KLHL7: variants seen among roughly 807,000 people sequenced by gnomAD.
The protein encoded by KLHL7 is kelch like family member 7.
Under a neutral mutation model 67.4 loss-of-function variants are expected in KLHL7, and 44 were observed. That is an observed-to-expected ratio of 0.65 (90% CI 0.51 to 0.84). The LOEUF is 0.84. Among genes scored for constraint, KLHL7 ranks in the 40% least tolerant of loss-of-function variants. The probability of loss-of-function intolerance (pLI) is 0.00; values close to 1 mark genes in which losing one functional copy is unlikely to be tolerated. For missense variants in KLHL7, 362 were observed against 718.1 expected, an observed-to-expected ratio of 0.50 and a Z score of 5.67; for synonymous variants, 252 against 243.3, an observed-to-expected ratio of 1.04 and a Z score of -0.33.
At chr7:23,112,231 C>G (rs1239439522) in intron 1 of KLHL7, among the ~76,000 whole-genome samples, 1 of 152,066 alleles carries the variant, frequency 6.6e-6, no homozygotes, top group Non-Finnish European at 1.5e-5. Flanking sequence ...GAATGCATAA[C>G]TAAATGGATG....
chr7:23,132,019 GTATA>G (rs1326530979), intron 4 of KLHL7, among the ~76,000 whole-genome samples: 1 of 152,076 alleles, frequency 6.6e-6, no homozygotes, highest in African/African-American at 2.4e-5. Context: ...ACTCCATTGT[GTATA>G]TATACCACAG....
rs1785254540 is a variant in KLHL7 at position 23,174,664 on chromosome 7, AGTG to A, written c.*367_*369del. 1 of 462,162 alleles carries A rather than the reference AGTG, an allele frequency of 2.2e-6. No individual in the cohort carries two copies. The highest frequency in any genetic ancestry group is 2.3e-5 in the Admixed American group (1 of 42,798). 28.6% of individuals were successfully genotyped at this position (462,162 alleles called of 1,614,324 possible). A position where few individuals can be genotyped will look rare whatever the true frequency, so the allele number is the denominator to read the frequency against. On this transcript the variant is annotated 3_prime_UTR_variant, in exon 11 of 11. Transcript: ENST00000339077. ...AGATTCTATTTTCATGCATCACAGA[AGTG>A]CTATACGGTTAGGTCTGTTTGTGCT...
At chr7:23,141,077 T>C (rs574645893) in intron 5 of KLHL7, 133 bp downstream of exon 5, 130 of 842,002 alleles carry the variant, frequency 1.5e-4, no homozygotes, top group Non-Finnish European at 2.0e-4. Flanking sequence ...AAACAGAGTA[T>C]TGTAATCTTA....
intron 4 of KLHL7, among the ~76,000 whole-genome samples, chr7:23,134,709 A>G (rs554392102): frequency 1.3e-5 from 2 of 152,204 alleles, no homozygotes; most frequent in South Asian, 2.1e-4. Context: ...AAATTTGCTC[A>G]TTCTAAATTT....
chr7:23,165,604 A>G (rs1784979921), intron 7 of KLHL7, 94 bp from the exon 8 acceptor site: 2 of 1,354,964 alleles, frequency 1.5e-6, no homozygotes, highest in Admixed American at 1.8e-5. Flanking sequence ...ATAAATTAAC[A>G]TATTCTTATA....
At chr7:23,146,061 T>C (rs1784346289) in intron 6 of KLHL7, among the ~76,000 whole-genome samples, 1 of 152,198 alleles carries the variant, frequency 6.6e-6, no homozygotes, top group African/African-American at 2.4e-5. Context: ...TCCCATCCTT[T>C]TCTGTGCTGT....
intron 7 of KLHL7, among the ~76,000 whole-genome samples, chr7:23,154,739 G>A (rs1784646340): frequency 6.6e-6 from 1 of 152,186 alleles, no homozygotes; most frequent in Non-Finnish European, 1.5e-5. Flanking sequence ...AGCTGAAAAG[G>A]AATTCAATCT....
At chr7:23,117,465 C>CT (rs36039061) in intron 1 of KLHL7, among the ~76,000 whole-genome samples, 1 of 151,948 alleles carries the variant, frequency 6.6e-6, no homozygotes, top group African/African-American at 2.4e-5. Context: ...ACAAAAATAG[C>CT]TTTTTTTTCT....
intron 1 of KLHL7, among the ~76,000 whole-genome samples, chr7:23,114,893 G>A (rs998322556): frequency 6.6e-6 from 1 of 152,144 alleles, no homozygotes; most frequent in Non-Finnish European, 1.5e-5. Context: ...TTCTGTATTA[G>A]CAACACAGAA....
intron 1 of KLHL7, among the ~76,000 whole-genome samples, chr7:23,116,327 T>C (rs1182531739): frequency 6.6e-6 from 1 of 152,236 alleles, no homozygotes; most frequent in Non-Finnish European, 1.5e-5. Flanking sequence ...TACAGCATGC[T>C]CCTCAAAACC....
intron 4 of KLHL7, among the ~76,000 whole-genome samples, chr7:23,130,581 C>A (rs1485438110): frequency 6.6e-6 from 1 of 152,046 alleles, no homozygotes; most frequent in African/African-American, 2.4e-5. Flanking sequence ...TGATTTATAT[C>A]CCTCAGAAAT....
intron 9 of KLHL7, among the ~76,000 whole-genome samples, chr7:23,170,963 A>G (rs1189883380): frequency 7.1e-6 from 1 of 140,618 alleles, no homozygotes; most frequent in East Asian, 2.0e-4. Flanking sequence ...GCTGGAATGC[A>G]GTGGCACGAT....
intron 1 of KLHL7, among the ~76,000 whole-genome samples, chr7:23,109,761 A>G (rs902695320): frequency 5.3e-5 from 8 of 152,234 alleles, no homozygotes; most frequent in Non-Finnish European, 1.0e-4. Flanking sequence ...TTGAGCACTT[A>G]TAACTGTTCC....
chr7:23,124,634 C>T (rs1489292033), intron 2 of KLHL7, 54 bp from the exon 3 acceptor site: 2 of 1,053,036 alleles, frequency 1.9e-6, no homozygotes, highest in South Asian at 2.5e-5. Context: ...CGTGGTTCCT[C>T]AGTCAAACTT....
intron 6 of KLHL7, among the ~76,000 whole-genome samples, chr7:23,146,868 A>G (rs950738251): frequency 2.0e-5 from 3 of 152,120 alleles, no homozygotes; most frequent in African/African-American, 7.2e-5. Context: ...GGCTAAGATC[A>G]AGTATAGTGT....
chr7:23,120,683 C>T (rs947288667), intron 1 of KLHL7, among the ~76,000 whole-genome samples: 2 of 152,188 alleles, frequency 1.3e-5, no homozygotes, highest in Middle Eastern at 3.2e-3. Flanking sequence ...CCTCCCATTT[C>T]AACCTCCCAA....
At chr7:23,162,206 G>A (rs928846288) in intron 7 of KLHL7, among the ~76,000 whole-genome samples, 1 of 152,008 alleles carries the variant, frequency 6.6e-6, no homozygotes, top group Non-Finnish European at 1.5e-5. Context: ...GGAGTCAGAT[G>A]GATTTAGATT....
chr7:23,116,568 T>C (rs1783098324), intron 1 of KLHL7, among the ~76,000 whole-genome samples: 1 of 152,248 alleles, frequency 6.6e-6, no homozygotes, highest in Admixed American at 6.5e-5. Context: ...AGAATACCTT[T>C]CTTTTTCTTT....
At chr7:23,140,370 C>T (rs1784133747) in intron 4 of KLHL7, among the ~76,000 whole-genome samples, 2 of 152,130 alleles carry the variant, frequency 1.3e-5, no homozygotes, top group South Asian at 2.1e-4. Context: ...CTGGCTAACA[C>T]GGTGAAACCC....
Sources: allele counts gnomAD v4.1 joint callset (sites outside exome capture counted in the v4.1 genomes callset), GRCh38; gene constraint gnomAD v4.1.1; transcripts MANE v1.5; gene names NCBI Gene and HGNC (gene_info 2026-07-23, HGNC 2026-07-21).